Variants in FSTL4 observed in about 807,000 individuals in gnomAD.
FSTL4 encodes the protein follistatin-related protein 4.
A neutral mutation model predicts 78.2 loss-of-function variants in FSTL4; 28 were observed. That is an observed-to-expected ratio of 0.36 (90% CI 0.27 to 0.49). The LOEUF is 0.49. Ranked by LOEUF, FSTL4 falls within the 20% of genes least tolerant of loss-of-function variation. The pLI is 0.98. For synonymous variants in FSTL4, 422 were observed against 440.5 expected (o/e 0.96, Z 0.53); for missense variants, 922 against 1,084.9 (o/e 0.85, Z 2.11).
At chr5:133,780,991 TTC>T in the FSTL4 span, among the ~76,000 whole-genome samples, 1 of 152,208 alleles carries the variant, frequency 6.6e-6, no homozygotes, top group African/African-American at 2.4e-5. Flanking sequence ...GGAGCAGAGA[TTC>T]TGATTCCAAA....
intron 3 of FSTL4, among the ~76,000 whole-genome samples, chr5:133,514,958 G>A (rs897274319): frequency 1.3e-4 from 20 of 152,070 alleles, no homozygotes; most frequent in African/African-American, 4.3e-4. Flanking sequence ...CAGTATTCAA[G>A]ACAATATAAC....
the FSTL4 span, among the ~76,000 whole-genome samples, chr5:133,722,502 T>A: frequency 6.6e-6 from 1 of 152,250 alleles, no homozygotes; most frequent in African/African-American, 2.4e-5. Flanking sequence ...ATTGTTTTCC[T>A]GATTTCATTA....
At chr5:133,204,174 C>T (rs1750418799) in intron 14 of FSTL4, among the ~76,000 whole-genome samples, 1 of 152,144 alleles carries the variant, frequency 6.6e-6, no homozygotes, top group South Asian at 2.1e-4. Context: ...ATCCAGAGGA[C>T]AGGCTGGGAG....
chr5:133,270,022 T>TA (rs1399631795), intron 6 of FSTL4: 2 of 152,188 alleles, frequency 1.3e-5, no homozygotes, highest in African/African-American at 4.8e-5. Context: ...CCTAACTCAA[T>TA]AAAGTACGTG....
intron 3 of FSTL4, among the ~76,000 whole-genome samples, chr5:133,432,737 T>C (rs565144526): frequency 6.6e-6 from 1 of 152,126 alleles, no homozygotes; most frequent in Non-Finnish European, 1.5e-5. Context: ...GAAGATAGGA[T>C]GCTGGGTGGG....
intron 3 of FSTL4, among the ~76,000 whole-genome samples, chr5:133,501,601 C>T (rs1381984619): frequency 1.3e-5 from 2 of 152,176 alleles, no homozygotes; most frequent in African/African-American, 2.4e-5. Flanking sequence ...TTAAAGGGCA[C>T]CTTTGAAGAC....
At chr5:133,249,822 G>A (rs1334201324) in intron 6 of FSTL4, among the ~76,000 whole-genome samples, 3 of 152,250 alleles carry the variant, frequency 2.0e-5, no homozygotes, top group South Asian at 4.1e-4. Flanking sequence ...CATAAGTAAT[G>A]TGCTGAGGAC....
At chr5:133,594,071 G>A (rs1027219430) in intron 2 of FSTL4, among the ~76,000 whole-genome samples, 1 of 152,200 alleles carries the variant, frequency 6.6e-6, no homozygotes, top group African/African-American at 2.4e-5. Flanking sequence ...AGCCAGCCCA[G>A]GGCTCAGAGA....
At chr5:133,512,367 A>G (rs1347909408) in intron 3 of FSTL4, among the ~76,000 whole-genome samples, 4 of 152,264 alleles carry the variant, frequency 2.6e-5, no homozygotes, top group Non-Finnish European at 4.4e-5. Flanking sequence ...TGACACAGTG[A>G]GCAAACAACT....
chr5:133,448,739 C>CA (rs1554115245), intron 3 of FSTL4, among the ~76,000 whole-genome samples: 1 of 19,450 alleles, frequency 5.1e-5, no homozygotes, highest in Admixed American at 7.9e-4. Context: ...GGTGCGGGGG[C>CA]GGGGGGGGGG....
intron 4 of FSTL4, among the ~76,000 whole-genome samples, chr5:133,373,122 G>A (rs1755352124): frequency 1.3e-5 from 2 of 152,310 alleles, no homozygotes; most frequent in African/African-American, 4.8e-5. Flanking sequence ...TGGCTAAGAA[G>A]CCACCCCAAA....
chr5:133,544,547 C>T (rs968382971), intron 3 of FSTL4, among the ~76,000 whole-genome samples: 4 of 152,136 alleles, frequency 2.6e-5, no homozygotes, highest in Non-Finnish European at 5.9e-5. Flanking sequence ...AGAAAACACA[C>T]GAGATGAGCA....
At chr5:133,787,314 G>A in the FSTL4 span, among the ~76,000 whole-genome samples, 3 of 152,204 alleles carry the variant, frequency 2.0e-5, no homozygotes, top group African/African-American at 7.2e-5. Context: ...CCAGGACTGT[G>A]CTAGGATTGG....
At chr5:133,570,327 A>AT (rs1251745850) in intron 2 of FSTL4, among the ~76,000 whole-genome samples, 2 of 152,002 alleles carry the variant, frequency 1.3e-5, no homozygotes, top group South Asian at 2.1e-4. Context: ...TTATTTTAAA[A>AT]TTTTTTTATT....
intron 4 of FSTL4, among the ~76,000 whole-genome samples, chr5:133,316,978 T>C (rs546641987): frequency 1.1e-4 from 16 of 152,278 alleles, no homozygotes; most frequent in South Asian, 1.0e-3. Flanking sequence ...GCGGAATATA[T>C]AGCGGCAGCC....
the FSTL4 span, among the ~76,000 whole-genome samples, chr5:133,741,913 G>C: frequency 6.6e-6 from 1 of 152,172 alleles, no homozygotes; most frequent in African/African-American, 2.4e-5. Context: ...ACTCAGATTG[G>C]TTTCTCACCA....
chr5:133,690,068 C>CACAAAAAA, the FSTL4 span, among the ~76,000 whole-genome samples: 1 of 149,688 alleles, frequency 6.7e-6, no homozygotes, highest in Non-Finnish European at 1.5e-5. Context: ...TTTCAAAACA[C>CACAAAAAA]ACAAACAAAC....
At chr5:133,392,729 C>T (rs941618083) in intron 4 of FSTL4, among the ~76,000 whole-genome samples, 4 of 151,900 alleles carry the variant, frequency 2.6e-5, no homozygotes, top group African/African-American at 7.3e-5. Flanking sequence ...CAGCAACCAA[C>T]GGGACTGAGG....
the FSTL4 span, among the ~76,000 whole-genome samples, chr5:133,723,058 AG>A: frequency 6.6e-6 from 1 of 152,302 alleles, no homozygotes; most frequent in South Asian, 2.1e-4. Context: ...CAGCTGCAGC[AG>A]GACTGGGATC....
Sources: gnomAD v4.1 joint callset for allele counts (sites outside exome capture counted in the v4.1 genomes callset) on GRCh38, gnomAD v4.1.1 for gene constraint, MANE v1.5 for transcripts, NCBI Gene and HGNC (gene_info 2026-07-23, HGNC 2026-07-21) for gene names.